BTBD9: variants seen among roughly 807,000 people sequenced by gnomAD.
The protein encoded by BTBD9 is BTB/POZ domain-containing protein 9.
A neutral mutation model predicts 64.3 loss-of-function variants in BTBD9; 49 were observed. The observed-to-expected ratio is 0.76, with a 90% confidence interval of 0.61 to 0.97. The LOEUF is 0.97. BTBD9 is among the 50% of genes least tolerant of loss of function. The pLI is 0.00. For missense variants in BTBD9, 598 were observed against 762.1 expected (o/e 0.78, Z 2.53); for synonymous variants, 260 against 274.7 (o/e 0.95, Z 0.53).
chr6:38,359,462 T>C (rs966698547), intron 6 of BTBD9, among the ~76,000 whole-genome samples: 16 of 152,310 alleles, frequency 1.1e-4, no homozygotes, highest in African/African-American at 3.1e-4. Flanking sequence ...CTGGAGTCCC[T>C]GTCAGAAGCA....
intron 8 of BTBD9, among the ~76,000 whole-genome samples, chr6:38,265,500 CT>C (rs369951977): frequency 0.018 from 2,450 of 133,870 alleles, 42 homozygotes; most frequent in African/African-American, 0.052. Context: ...AACTACCAAT[CT>C]TTTTTTTTTT....
Position 38,561,777 on chromosome 6 carries a change from G to A in BTBD9, c.1154+15823C>T, listed in dbSNP as rs114845275. On this transcript the variant is annotated intron_variant, in intron 6 of 10. Transcript: ENST00000481247. ...AAAGATGAGAACAGTAGACACTGGG[G>A]ACTACGGTGGGGGATGGGGCAAGGG... Among the ~76,000 whole-genome samples the A allele has an allele frequency of 2.8e-3, 432 of 152,258 alleles. 3 individuals carry two copies. The highest frequency in any genetic ancestry group is 0.01 in the African/African-American group (421 of 41,550).
chr6:38,255,925 G>GC (rs1047647474), intron 9 of BTBD9, among the ~76,000 whole-genome samples: 8 of 151,990 alleles, frequency 5.3e-5, no homozygotes, highest in Non-Finnish European at 8.8e-5. Context: ...TCGTGGGGTT[G>GC]GGGGGGTAGG....
intron 7 of BTBD9, among the ~76,000 whole-genome samples, chr6:38,342,058 T>G (rs1764123698): frequency 6.6e-6 from 1 of 152,246 alleles, no homozygotes; most frequent in Admixed American, 6.5e-5. Context: ...GTGCTTAATT[T>G]TACTTATGTT....
chr6:38,328,564 C>CGTGTGTGTGTGTGTGTGTCTGT (rs1442660083), intron 7 of BTBD9, among the ~76,000 whole-genome samples: 35 of 130,406 alleles, frequency 2.7e-4, no homozygotes, highest in Middle Eastern at 3.4e-3. Flanking sequence ...TTTAAGCCAC[C>CGTGTGTGTGTGTGTGTGTCTGT]GTGTGTGTGT....
At chr6:38,600,583 T>C (rs1056546215) in intron 1 of BTBD9, among the ~76,000 whole-genome samples, 1 of 152,184 alleles carries the variant, frequency 6.6e-6, no homozygotes, top group Admixed American at 6.5e-5. Context: ...CGTGCATGAT[T>C]CTAAACAAAA....
intron 6 of BTBD9, among the ~76,000 whole-genome samples, chr6:38,551,877 T>G (rs1228450472): frequency 2.6e-5 from 4 of 152,220 alleles, no homozygotes; most frequent in African/African-American, 9.6e-5. Context: ...AGGCAGGGTT[T>G]AAGGCAGCAG....
intron 6 of BTBD9, among the ~76,000 whole-genome samples, chr6:38,453,939 G>A (rs548641252): frequency 6.6e-6 from 1 of 152,264 alleles, no homozygotes; most frequent in East Asian, 1.9e-4. Flanking sequence ...GAAATAGAGC[G>A]ATACACACCA....
chr6:38,404,718 TA>T (rs1376237590), intron 6 of BTBD9, among the ~76,000 whole-genome samples: 8 of 152,224 alleles, frequency 5.3e-5, no homozygotes, highest in African/African-American at 1.9e-4. Context: ...AGATAAGGGA[TA>T]AACTGATGTG....
intron 7 of BTBD9, among the ~76,000 whole-genome samples, chr6:38,306,455 G>C (rs1350414458): frequency 6.6e-6 from 1 of 152,208 alleles, no homozygotes; most frequent in African/African-American, 2.4e-5. Context: ...TAGCAATTCT[G>C]CTCAGACAAA....
At chr6:38,503,730 C>G (rs1276357297) in intron 6 of BTBD9, among the ~76,000 whole-genome samples, 2 of 152,188 alleles carry the variant, frequency 1.3e-5, no homozygotes, top group Non-Finnish European at 2.9e-5. Flanking sequence ...CTACTGCTGG[C>G]ATCACACGCC....
chr6:38,295,600 A>T (rs1431323370), intron 7 of BTBD9, among the ~76,000 whole-genome samples: 1 of 152,144 alleles, frequency 6.6e-6, no homozygotes, highest in Non-Finnish European at 1.5e-5. Flanking sequence ...TATTTTTAGT[A>T]TGCTGTGAGA....
chr6:38,175,697 G>T (rs1371561692), intron 10 of BTBD9, among the ~76,000 whole-genome samples: 1 of 152,212 alleles, frequency 6.6e-6, no homozygotes, highest in African/African-American at 2.4e-5. Flanking sequence ...CTGTGCACTT[G>T]AGGTTCATTG....
chr6:38,545,857 C>CAT, intron 6 of BTBD9, among the ~76,000 whole-genome samples: 1 of 43,264 alleles, frequency 2.3e-5, no homozygotes, highest in East Asian at 2.6e-4. Context: ...CACACACATA[C>CAT]ACACACACAC....
At chr6:38,567,240 T>G (rs1453781417) in intron 6 of BTBD9, among the ~76,000 whole-genome samples, 1 of 152,222 alleles carries the variant, frequency 6.6e-6, no homozygotes, top group Non-Finnish European at 1.5e-5. Flanking sequence ...ACATTTCTTT[T>G]GCAAAATGAG....
At chr6:38,286,375 C>A (rs1379598588) in intron 8 of BTBD9, among the ~76,000 whole-genome samples, 2 of 152,098 alleles carry the variant, frequency 1.3e-5, no homozygotes, top group African/African-American at 4.8e-5. Context: ...TGTGCTATTT[C>A]TTTCTTTATA....
chr6:38,429,053 C>T (rs1225161756), intron 6 of BTBD9, among the ~76,000 whole-genome samples: 7 of 151,624 alleles, frequency 4.6e-5, no homozygotes, highest in Non-Finnish European at 7.4e-5. Context: ...TGCATTAGTT[C>T]TTTCCACTTG....
At chr6:38,228,462 C>T (rs1763486277) in intron 9 of BTBD9, among the ~76,000 whole-genome samples, 1 of 151,364 alleles carries the variant, frequency 6.6e-6, no homozygotes, top group Non-Finnish European at 1.5e-5. Context: ...AAATGTACCA[C>T]TCTGGTGGAG....
chr6:38,294,721 C>T (rs1762095576), intron 7 of BTBD9, among the ~76,000 whole-genome samples: 1 of 151,782 alleles, frequency 6.6e-6, no homozygotes, highest in Non-Finnish European at 1.5e-5. Flanking sequence ...TTGATGGGTG[C>T]AGCAAACCAC....
Sources: allele counts gnomAD v4.1 joint callset (sites outside exome capture counted in the v4.1 genomes callset), GRCh38; gene constraint gnomAD v4.1.1; transcripts MANE v1.5; gene names NCBI Gene and HGNC (gene_info 2026-07-23, HGNC 2026-07-21).